SLC6A20: variants seen among roughly 807,000 people sequenced by gnomAD.
SLC6A20 encodes the protein sodium- and chloride-dependent transporter XTRP3.
SLC6A20 carries 73 observed loss-of-function variants against 64.3 expected under a neutral mutation model. That is an observed-to-expected ratio of 1.14 (90% CI 0.94 to 1.38). The LOEUF (loss-of-function observed/expected upper bound fraction) is 1.38. SLC6A20 is among the 40% of genes most tolerant of loss of function. The pLI, the probability that SLC6A20 is intolerant of heterozygous loss-of-function variation, is 0.00. For missense variants in SLC6A20, 725 were observed against 772.8 expected (o/e 0.94, Z 0.73); for synonymous variants, 347 against 329.6 (o/e 1.05, Z -0.57).
chr3:45,770,099 A>G, intron 7 of SLC6A20, 110 bp downstream of exon 7: 1 of 1,418,746 alleles, frequency 7.0e-7, no homozygotes, highest in Non-Finnish European at 9.7e-7. Context: ...GTAATTCAGG[A>G]TCCTTCTTTA....
chr3:45,796,024 C>T (rs1559575199), intron 1 of SLC6A20, among the ~76,000 whole-genome samples: 1 of 152,222 alleles, frequency 6.6e-6, no homozygotes, highest in Admixed American at 6.5e-5. Flanking sequence ...GCTCTCAGAG[C>T]CGCAGCCTGG....
At position 45,765,530 on chromosome 3, in the gene SLC6A20, C is replaced by T. The variant is rs747235987; in HGVS notation, c.1303+7G>A. 55 of 1,609,366 alleles carry T rather than the reference C, an allele frequency of 3.4e-5. No homozygotes were observed. The highest frequency in any genetic ancestry group is 8.4e-5 in the Admixed American group (5 of 59,284). ...CCCTGCCTCCTCCACTGGCTGGCCC[C>T]GCTGACCTGAGATGGCCTCCTTGGG... is the stretch of plus-strand genomic sequence containing the variant. On this transcript the variant is annotated splice_region_variant and intron_variant, in intron 8 of 10. Transcript: ENST00000358525. The surrounding 1 kb of genome is among the most constrained non-coding windows in gnomAD (Gnocchi z 4.2).
chr3:45,777,255 G>A (rs1559567941), intron 3 of SLC6A20, among the ~76,000 whole-genome samples: 4 of 152,168 alleles, frequency 2.6e-5, no homozygotes, highest in Admixed American at 6.5e-5. Flanking sequence ...GGCAGCTGGA[G>A]CCCAGGTCTG....
At position 45,780,070 on chromosome 3, in the gene SLC6A20, A is replaced by G; in HGVS notation, c.293T>C (p.Leu98Pro). 1 of 1,601,944 alleles carries G rather than the reference A, an allele frequency of 6.2e-7. No homozygotes were observed. Residue 98 changes from leucine (L) to proline (P), a missense_variant, in exon 3 of 11, where the codon CTC becomes CCC. Physicochemically the swap from Leu to Pro is moderately conservative, Grantham distance 98. Coordinates refer to ENST00000358525, the MANE Select transcript of SLC6A20 (RefSeq NM_020208.4). Reference protein sequence around the residue: ...GVASVVVSFFLSMYYNVINAW... With the variant: ...GVASVVVSFFPSMYYNVINAW... The stretch of plus-strand genomic sequence containing the variant: ...GTTGATGACGTTGTAGTACATGGAG[A>G]GGAAGAAAGAGACCACCACGCTGGC...
chr3:45,765,591 G>T lies in SLC6A20; in HGVS notation c.1249C>A (p.Pro417Thr). The change falls in exon 8 of 11, where the codon CCT (proline) becomes ACT (threonine). Residue 417 changes from proline (P) to threonine (T), a missense_variant. By Grantham distance (38) the Pro-to-Thr change is conservative. Transcript: ENST00000358525. The surrounding 1 kb of genome is among the most constrained non-coding windows in gnomAD (Gnocchi z 4.2). ...MLGNTAAILT[P>T]LTDSKIISSH... ...GAGATGATCTTGCTGTCTGTCAGAG[G>T]GGTGAGGATGGCCGCTGTGTTCCCC... 6.2e-7 allele frequency: 1 copy of T among 1,614,152 alleles called. No homozygotes were observed.
rs567548150 is a variant in SLC6A20 at position 45,792,987 on chromosome 3, C to G, written c.121+3312G>C. Among the ~76,000 whole-genome samples the G allele has an allele frequency of 2.0e-5, 3 of 152,296 alleles. No homozygotes were observed. In the South Asian group the frequency reaches 6.2e-4, roughly 32 times the overall value. On this transcript the variant is annotated intron_variant, in intron 1 of 10. Coordinates refer to ENST00000358525, the MANE Select transcript of SLC6A20 (RefSeq NM_020208.4). ...AGAAATGAAGAATCCTGTCCTCCCCCACAGGCGTCTGGATCAGAATCCCTG... is the reference window on the plus strand; with the variant it reads ...AGAAATGAAGAATCCTGTCCTCCCCGACAGGCGTCTGGATCAGAATCCCTG...
At chr3:45,759,235 T>TG in intron 10 of SLC6A20, 108 bp from the exon 11 acceptor site, 1 of 1,218,430 alleles carries the variant, frequency 8.2e-7, no homozygotes, top group Admixed American at 2.9e-5. Context: ...AGAGAGCATG[T>TG]GGGGCCGGTG....
intron 3 of SLC6A20, among the ~76,000 whole-genome samples, chr3:45,776,870 AAG>A (rs2125647512): frequency 6.6e-6 from 1 of 152,312 alleles, no homozygotes; most frequent in South Asian, 2.1e-4. Flanking sequence ...TTAGTGAGAA[AAG>A]AGAAGGCTCC....
In SLC6A20 at chr3:45,763,111, C is replaced by T. The variant is rs1045401552; in HGVS notation, c.1304-39G>A. The T allele has an allele frequency of 2.5e-6, 4 of 1,610,488 alleles. No homozygotes were observed. In the African/African-American group the frequency reaches 5.3e-5, roughly 22 times the overall value. ...GACCAGCTGCTCACCTGCCCGAGAC[C>T]CCCCCACTACTGCTTACCAGTTCTC... On this transcript the variant is annotated intron_variant, in intron 8 of 10. Coordinates refer to ENST00000358525, the MANE Select transcript of SLC6A20 (RefSeq NM_020208.4).
intron 1 of SLC6A20, among the ~76,000 whole-genome samples, chr3:45,794,434 C>CAGA (rs1700312228): frequency 6.6e-6 from 1 of 152,184 alleles, no homozygotes; most frequent in Non-Finnish European, 1.5e-5. Flanking sequence ...TGTGCACCCA[C>CAGA]TAATCCATGC....
intron 7 of SLC6A20, among the ~76,000 whole-genome samples, chr3:45,766,951 A>G (rs1360592563): frequency 6.6e-6 from 1 of 152,244 alleles, no homozygotes; most frequent in East Asian, 1.9e-4. Context: ...CAGCCTGCGC[A>G]ACATAGCAAG....
intron 1 of SLC6A20, among the ~76,000 whole-genome samples, chr3:45,791,197 G>A (rs950067451): frequency 6.6e-6 from 1 of 152,168 alleles, no homozygotes; most frequent in African/African-American, 2.4e-5. Flanking sequence ...GTAGTCCCTG[G>A]CTTGCAGAAG....
chr3:45,761,272 A>G (rs1699677479), intron 9 of SLC6A20, among the ~76,000 whole-genome samples: 1 of 146,174 alleles, frequency 6.8e-6, no homozygotes, highest in Admixed American at 6.8e-5. Context: ...CTGGCTGCAG[A>G]AAAGCCCCAG....
intron 8 of SLC6A20, among the ~76,000 whole-genome samples, chr3:45,763,299 T>C (rs947389859): frequency 1.3e-5 from 2 of 152,058 alleles, no homozygotes; most frequent in Non-Finnish European, 2.9e-5. Context: ...GGGTCACTGA[T>C]GTTGACTCAC....
At chr3:45,767,254 C>A (rs1304410364) in intron 7 of SLC6A20, among the ~76,000 whole-genome samples, 2 of 152,146 alleles carry the variant, frequency 1.3e-5, no homozygotes, top group African/African-American at 4.8e-5. Context: ...TACTGCTCTC[C>A]TTCTCTTGCC....
chr3:45,792,244 G>C (rs544507059), intron 1 of SLC6A20, among the ~76,000 whole-genome samples: 1 of 152,288 alleles, frequency 6.6e-6, no homozygotes, highest in South Asian at 2.1e-4. Flanking sequence ...GAAAGGCCTG[G>C]ACACCTGAGG....
rs1211982847 is a variant in SLC6A20 at position 45,759,107 on chromosome 3, A to G, written c.1650T>C (p.Asp550=). Residue 550 remains aspartate (D), a synonymous_variant, in exon 11 of 11, where the codon GAT becomes GAC. Transcript: ENST00000358525. Reference sequence around the variant, plus strand: ...TGACAGCCAGTGCATAGGCCGGGTAATCTTTGGTCACGAGCTGGCCCTGAA... The same window carrying G: ...TGACAGCCAGTGCATAGGCCGGGTAGTCTTTGGTCACGAGCTGGCCCTGAA... The part of the protein sequence containing the change: ...DASQGQLVTK[D]YPAYALAVIG... 1 of 1,611,088 alleles carries G rather than the reference A, an allele frequency of 6.2e-7. No homozygotes were observed. The highest frequency in any genetic ancestry group is 1.7e-5 in the Admixed American group (1 of 59,842).
At chr3:45,777,408 A>G (rs1314844948) in intron 3 of SLC6A20, among the ~76,000 whole-genome samples, 2 of 152,216 alleles carry the variant, frequency 1.3e-5, no homozygotes, top group East Asian at 3.8e-4. Flanking sequence ...CTGGCCACCA[A>G]CAGTCCTTCC....
At chr3:45,766,976 A>G (rs1264616927) in intron 7 of SLC6A20, among the ~76,000 whole-genome samples, 2 of 152,254 alleles carry the variant, frequency 1.3e-5, no homozygotes, top group African/African-American at 4.8e-5. Flanking sequence ...TGTCTCTACT[A>G]AAAGTAAATA....
Sources: gnomAD v4.1 joint callset for allele counts (sites outside exome capture counted in the v4.1 genomes callset) on GRCh38, gnomAD v4.1.1 for gene constraint, Gnocchi (gnomAD v3.1) non-coding constraint, MANE v1.5 for transcripts, NCBI Gene and HGNC (gene_info 2026-07-23, HGNC 2026-07-21) for gene names.